The following CCDC192 variants were observed in gnomAD, a reference collection of about 807,000 sequenced individuals.
CCDC192 encodes coiled-coil domain containing 192, also known as coiled-coil domain-containing protein 192.
At chr5:127,877,307 C>CATT (rs1252888182) in intron 6 of CCDC192, among the ~76,000 whole-genome samples, 1 of 151,730 alleles carries the variant, frequency 6.6e-6, no homozygotes, top group Non-Finnish European at 1.5e-5. Context: ...GGGAAGAAAA[C>CATT]ATTAAATCTT....
At chr5:127,868,489 C>T (rs1197448019) in intron 5 of CCDC192, among the ~76,000 whole-genome samples, 2 of 152,240 alleles carry the variant, frequency 1.3e-5, no homozygotes, top group Non-Finnish European at 2.9e-5. Context: ...ATGATTCCAT[C>T]TGACTCTAAT....
chr5:127,747,215 C>T (rs1460624546), intron 2 of CCDC192, among the ~76,000 whole-genome samples: 1 of 151,972 alleles, frequency 6.6e-6, no homozygotes, highest in Non-Finnish European at 1.5e-5. Flanking sequence ...ACTAACTCGT[C>T]ATCTAGCATT....
intron 5 of CCDC192, among the ~76,000 whole-genome samples, chr5:127,828,958 G>A (rs1284805012): frequency 6.6e-6 from 1 of 152,204 alleles, no homozygotes; most frequent in Non-Finnish European, 1.5e-5. Context: ...GGATTGGAGA[G>A]CATGGGCCAA....
intron 5 of CCDC192, among the ~76,000 whole-genome samples, chr5:127,844,925 CTT>C (rs1250118013): frequency 6.6e-6 from 1 of 152,152 alleles, no homozygotes; most frequent in Non-Finnish European, 1.5e-5. Flanking sequence ...GCGGAATTGA[CTT>C]TTGTTATTTG....
Position 127,758,689 on chromosome 5 carries a change from T to TA in CCDC192, c.222+4322dup, listed in dbSNP as rs199914714. Among the ~76,000 whole-genome samples the TA allele has an allele frequency of 7.8e-3, 1,175 of 151,352 alleles. 16 individuals carry two copies. Among genetic ancestry groups the TA allele is most frequent in the African/African-American group, 0.027 (1,105 of 41,164 alleles). ...AAATGCCTGGATGTTGGGTAATAGATAAAAAAAAGGGTGAATAAAAGGGAG... is the reference window on the plus strand; with the variant it reads ...AAATGCCTGGATGTTGGGTAATAGATAAAAAAAAAGGGTGAATAAAAGGGAG... On this transcript the variant is annotated intron_variant, in intron 3 of 6. Transcript: ENST00000514853.
At chr5:127,742,235 T>C (rs1753460093) in intron 2 of CCDC192, among the ~76,000 whole-genome samples, 1 of 152,174 alleles carries the variant, frequency 6.6e-6, no homozygotes, top group Non-Finnish European at 1.5e-5. Flanking sequence ...AAGTTATTTA[T>C]GAAGCTATCA....
chr5:127,804,637 C>T (rs1447844851), intron 5 of CCDC192, among the ~76,000 whole-genome samples: 1 of 152,186 alleles, frequency 6.6e-6, no homozygotes, highest in Non-Finnish European at 1.5e-5. Context: ...TTGTTTATAA[C>T]TGAGAACCCA....
At chr5:127,738,045 G>A (rs1289080202) in intron 2 of CCDC192, among the ~76,000 whole-genome samples, 1 of 151,748 alleles carries the variant, frequency 6.6e-6, no homozygotes. Flanking sequence ...TTACATTTTG[G>A]CATGATTTTG....
chr5:127,817,125 A>G (rs1411806477), intron 5 of CCDC192, among the ~76,000 whole-genome samples: 1 of 152,176 alleles, frequency 6.6e-6, no homozygotes, highest in Non-Finnish European at 1.5e-5. Context: ...ACCGGGTGCA[A>G]TGTCACACCT....
At chr5:127,743,138 C>G (rs979965590) in intron 2 of CCDC192, among the ~76,000 whole-genome samples, 2 of 152,106 alleles carry the variant, frequency 1.3e-5, no homozygotes, top group Non-Finnish European at 2.9e-5. Flanking sequence ...AGGCTATTTA[C>G]TCCGCTGGTT....
intron 5 of CCDC192, among the ~76,000 whole-genome samples, chr5:127,872,427 C>T (rs985309068): frequency 1.3e-5 from 2 of 152,174 alleles, no homozygotes; most frequent in African/African-American, 2.4e-5. Flanking sequence ...TGTACCAACC[C>T]TGGAGGCTTT....
chr5:127,880,789 G>A (rs1752323679), intron 6 of CCDC192, among the ~76,000 whole-genome samples: 1 of 152,008 alleles, frequency 6.6e-6, no homozygotes, highest in Admixed American at 6.6e-5. Context: ...AGACCAGCCT[G>A]GCTAAAATGG....
chr5:127,848,370 G>T (rs1262401998), intron 5 of CCDC192, among the ~76,000 whole-genome samples: 1 of 152,174 alleles, frequency 6.6e-6, no homozygotes, highest in Non-Finnish European at 1.5e-5. Context: ...GGGCCTGTTT[G>T]CATTTCTGTA....
intron 2 of CCDC192, among the ~76,000 whole-genome samples, chr5:127,741,767 C>T (rs891231571): frequency 1.6e-4 from 24 of 152,270 alleles, no homozygotes; most frequent in African/African-American, 4.8e-4. Context: ...TCCTTTTTCT[C>T]CTCTGATGCT....
intron 3 of CCDC192, chr5:127,785,996 T>C (rs1469384028): frequency 3.5e-6 from 2 of 571,174 alleles, no homozygotes; most frequent in Non-Finnish European, 6.5e-6. Context: ...CATTTTTCAA[T>C]AGCTAAAAGA....
At position 127,754,596 on chromosome 5, in the gene CCDC192, C is replaced by G. The variant is rs369322683; in HGVS notation, c.222+221C>G. ...CAGTGCTTACTTTAGTCTGTATGGA[C>G]CTTTTCAGCGTTTAAAACTTTTTTC... On this transcript the variant is annotated intron_variant, in intron 3 of 6. Coordinates refer to ENST00000514853, the MANE Select transcript of CCDC192 (RefSeq NM_001317938.2). Among the ~76,000 whole-genome samples the G allele has an allele frequency of 1.4e-4, 22 of 151,730 alleles. No homozygotes were observed. The East Asian group carries it at 3.7e-3, about 25-fold the overall frequency.
At chr5:127,787,395 C>G (rs913759737) in intron 3 of CCDC192, among the ~76,000 whole-genome samples, 1 of 152,172 alleles carries the variant, frequency 6.6e-6, no homozygotes, top group African/African-American at 2.4e-5. Context: ...CTCCTGCTGC[C>G]GCCACCTCGT....
chr5:127,761,337 C>T (rs1045511605), intron 3 of CCDC192, among the ~76,000 whole-genome samples: 1 of 152,202 alleles, frequency 6.6e-6, no homozygotes, highest in Non-Finnish European at 1.5e-5. Context: ...TGACATTCTA[C>T]TGGAGGACAC....
intron 3 of CCDC192, among the ~76,000 whole-genome samples, chr5:127,761,025 G>A (rs1334904250): frequency 6.6e-6 from 1 of 152,158 alleles, no homozygotes; most frequent in African/African-American, 2.4e-5. Flanking sequence ...GAAACACTCC[G>A]TTCTGAAAAA....
Sources: allele counts gnomAD v4.1 joint callset (sites outside exome capture counted in the v4.1 genomes callset), GRCh38; gene constraint gnomAD v4.1.1; transcripts MANE v1.5; gene names NCBI Gene and HGNC (gene_info 2026-07-23, HGNC 2026-07-21).